Variants in STAU1 observed in about 807,000 individuals in gnomAD.
The protein encoded by STAU1 is staufen double-stranded RNA binding protein 1.
Under a neutral mutation model 62.9 loss-of-function variants are expected in STAU1, and 13 were observed. The observed-to-expected ratio is 0.21, with a 90% CI of 0.13 to 0.33. The LOEUF (loss-of-function observed/expected upper bound fraction) is 0.33, where lower values mean the gene tolerates loss of function less well. Among genes scored for constraint, STAU1 ranks in the 10% least tolerant of loss-of-function variants. The pLI is 1.00. For synonymous variants in STAU1, 269 were observed against 265.1 expected (o/e 1.01, Z -0.14); for missense variants, 571 against 712.1 (o/e 0.80, Z 2.25).
At chr20:49,140,592 G>A (rs1484575571) in intron 5 of STAU1, among the ~76,000 whole-genome samples, 2 of 152,038 alleles carry the variant, frequency 1.3e-5, no homozygotes, top group Admixed American at 6.6e-5. Context: ...GCCTAGGCTA[G>A]GCAAATGCAT....
At chr20:49,116,961 T>C (rs1434306588) in intron 12 of STAU1, among the ~76,000 whole-genome samples, 165 bp downstream of exon 12, 1 of 152,144 alleles carries the variant, frequency 6.6e-6, no homozygotes, top group Admixed American at 6.5e-5. Flanking sequence ...CAATCAGCTA[T>C]GACAAAAAGT....
chr20:49,184,629 A>G (rs2093765965), intron 1 of STAU1, among the ~76,000 whole-genome samples: 1 of 152,204 alleles, frequency 6.6e-6, no homozygotes, highest in Non-Finnish European at 1.5e-5. Context: ...CCTAAAAGAG[A>G]GCAACTTATT....
intron 3 of STAU1, among the ~76,000 whole-genome samples, chr20:49,155,029 T>C (rs2093335393): frequency 6.6e-6 from 1 of 151,836 alleles, no homozygotes; most frequent in Non-Finnish European, 1.5e-5. Flanking sequence ...GAGGTTGCAG[T>C]GAGTCGAGAT....
chr20:49,208,404 T>C, the STAU1 span, among the ~76,000 whole-genome samples: 1 of 152,042 alleles, frequency 6.6e-6, no homozygotes, highest in East Asian at 1.9e-4. Context: ...GGTTTCACCA[T>C]GTTGGCCAGG....
At chr20:49,168,897 TAGAC>T (rs1318284410) in intron 2 of STAU1, among the ~76,000 whole-genome samples, 3 of 151,922 alleles carry the variant, frequency 2.0e-5, no homozygotes, top group South Asian at 2.1e-4. Context: ...CTTATATTCT[TAGAC>T]AGGAAAAGAA....
chr20:49,143,571 C>T (rs1027615931), intron 5 of STAU1, among the ~76,000 whole-genome samples: 4 of 152,188 alleles, frequency 2.6e-5, no homozygotes, highest in South Asian at 2.1e-4. Flanking sequence ...CCAGCTAGGG[C>T]GACAGAGGAA....
intron 5 of STAU1, among the ~76,000 whole-genome samples, chr20:49,137,971 T>C (rs348300): frequency 0.86 from 129,900 of 151,924 alleles, 56,002 homozygotes; most frequent in African/African-American, 0.93. Flanking sequence ...TGAGCCACCG[T>C]GTCTGGCCAC....
At chr20:49,211,226 G>A in the STAU1 span, among the ~76,000 whole-genome samples, 2 of 152,076 alleles carry the variant, frequency 1.3e-5, no homozygotes, top group African/African-American at 4.8e-5. Flanking sequence ...ATGTATTAAT[G>A]GACATTTGAG....
At chr20:49,129,604 A>G (rs78426382) in intron 6 of STAU1, among the ~76,000 whole-genome samples, 179 of 146,718 alleles carry the variant, frequency 1.2e-3, no homozygotes, top group African/African-American at 4.4e-3. Context: ...ACAATGATAC[A>G]TCTGGTTTAG....
chr20:49,184,760 G>A (rs1043000891), intron 1 of STAU1, among the ~76,000 whole-genome samples: 1 of 152,078 alleles, frequency 6.6e-6, no homozygotes, highest in African/African-American at 2.4e-5. Flanking sequence ...CTAAATTGGC[G>A]TTTCTTTCCT....
intron 2 of STAU1, among the ~76,000 whole-genome samples, chr20:49,171,151 G>A (rs1319009317): frequency 2.0e-5 from 3 of 152,160 alleles, no homozygotes; most frequent in Admixed American, 6.5e-5. Context: ...GTTCTCTTTA[G>A]TTTGTTGAGA....
Position 49,124,573 on chromosome 20 carries a change from A to G in STAU1, c.624T>C (p.Ser208=). 6.2e-7 allele frequency: 1 copy of G among 1,613,492 alleles called. No individual in the cohort carries two copies. The highest frequency in any genetic ancestry group is 8.5e-7 in the Non-Finnish European group (1 of 1,179,946). ...LPVNFEVARE[S]GPPHMKNFVT... ...CAAAGTTCTTCATGTGGGGTGGGCC[A>G]CTCTCCCGGGCCACCTGTTTCAGAG... Residue 208 remains serine, a synonymous_variant, in exon 7 of 14, where the codon AGT becomes AGC. Transcript: ENST00000371856.
the STAU1 span, among the ~76,000 whole-genome samples, chr20:49,207,256 T>C: frequency 6.7e-6 from 1 of 149,318 alleles, no homozygotes; most frequent in African/African-American, 2.5e-5. Flanking sequence ...TTCCCTGGGA[T>C]AGGAATAGCC....
chr20:49,159,127 A>C (rs939075833), intron 3 of STAU1: 2 of 1,102,262 alleles, frequency 1.8e-6, no homozygotes, highest in Non-Finnish European at 2.3e-6. Context: ...TCTCATGGAT[A>C]AATGCTGAAG....
At chr20:49,160,716 CAA>C (rs2093434998) in intron 3 of STAU1, among the ~76,000 whole-genome samples, 1 of 152,152 alleles carries the variant, frequency 6.6e-6, no homozygotes, top group African/African-American at 2.4e-5. Context: ...TAACTGAAAC[CAA>C]AGACAATACA....
chr20:49,170,870 T>C (rs1203563816), intron 2 of STAU1, among the ~76,000 whole-genome samples: 1 of 151,870 alleles, frequency 6.6e-6, no homozygotes, highest in Non-Finnish European at 1.5e-5. Flanking sequence ...TTTCACTAAA[T>C]GTCTCCCCTT....
In STAU1 at chr20:49,123,253, C is replaced by G; in HGVS notation, c.823-18G>C. 1 of 1,614,100 alleles carries G rather than the reference C, an allele frequency of 6.2e-7. No homozygotes were observed. ...GTCTGTGGCTGAGGAACAAACAAGGCAGAAACTCTGTAATGTTATTCACCG... is the reference window on the plus strand; with the variant it reads ...GTCTGTGGCTGAGGAACAAACAAGGGAGAAACTCTGTAATGTTATTCACCG... On this transcript the variant is annotated intron_variant, in intron 7 of 13. Transcript: ENST00000371856.
chr20:49,205,885 G>T, the STAU1 span, among the ~76,000 whole-genome samples: 1 of 150,936 alleles, frequency 6.6e-6, no homozygotes, highest in African/African-American at 2.4e-5. Flanking sequence ...TGTTGGTCAG[G>T]CTGGTCTCAA....
chr20:49,134,464 C>T (rs6066976), intron 6 of STAU1: 189,810 of 675,828 alleles, frequency 0.28, 35,708 homozygotes, highest in Middle Eastern at 0.34. Context: ...TGGGTTGAAA[C>T]CCGGGCGCCG....
Sources: allele counts gnomAD v4.1 joint callset (sites outside exome capture counted in the v4.1 genomes callset), GRCh38; gene constraint gnomAD v4.1.1; transcripts MANE v1.5; gene names NCBI Gene and HGNC (gene_info 2026-07-23, HGNC 2026-07-21).